PTPRD: variants seen among roughly 807,000 people sequenced by gnomAD.
PTPRD encodes the protein protein tyrosine phosphatase receptor type D, also known as receptor-type tyrosine-protein phosphatase delta.
Under a neutral mutation model 214.5 loss-of-function variants are expected in PTPRD, and 34 were observed. That is an observed-to-expected ratio of 0.16 (90% confidence interval 0.12 to 0.21). PTPRD has a LOEUF of 0.21. Ranked by LOEUF, PTPRD falls within the 10% of genes least tolerant of loss-of-function variation. The pLI, the probability that PTPRD is intolerant of heterozygous loss-of-function variation, is 1.00. For missense variants in PTPRD, 2,545 were observed against 2,398.7 expected, an observed-to-expected ratio of 1.06 and a Z score of -1.27; for synonymous variants, 1,128 against 845.7, an observed-to-expected ratio of 1.33 and a Z score of -5.79.
intron 8 of PTPRD, among the ~76,000 whole-genome samples, chr9:9,571,604 C>T (rs2086427978): frequency 6.6e-6 from 1 of 150,926 alleles, no homozygotes; most frequent in South Asian, 2.1e-4. Flanking sequence ...AATAAATTAT[C>T]ATAATTCATT....
At chr9:9,776,406 C>A (rs1227797852) in intron 5 of PTPRD, among the ~76,000 whole-genome samples, 1 of 152,106 alleles carries the variant, frequency 6.6e-6, no homozygotes, top group Non-Finnish European at 1.5e-5. Flanking sequence ...CTTTACTGAT[C>A]TGTATCTTCC....
chr9:10,125,626 G>A (rs185310578), intron 3 of PTPRD, among the ~76,000 whole-genome samples: 3 of 134,598 alleles, frequency 2.2e-5, no homozygotes, highest in African/African-American at 9.0e-5. Context: ...GGCTAATTGT[G>A]TGTGTGTGTG....
At position 9,030,233 on chromosome 9, in the gene PTPRD, TG is replaced by T. The variant is rs1276282027; in HGVS notation, c.-142-11499del. Among the ~76,000 whole-genome samples, 5 of 150,836 alleles carry T rather than the reference TG, an allele frequency of 3.3e-5. No homozygotes were observed. The East Asian group carries it at 9.8e-4, about 30-fold the overall frequency. ...AATCTCAGAAACAGCAGATGTTCCA[TG>T]ATTTGTCTTAGTGCCTTTGGATCAC... On this transcript the variant is annotated intron_variant, in intron 10 of 45. Transcript: ENST00000381196.
At chr9:10,307,703 T>C (rs2096128002) in intron 3 of PTPRD, among the ~76,000 whole-genome samples, 1 of 152,032 alleles carries the variant, frequency 6.6e-6, no homozygotes, top group Non-Finnish European at 1.5e-5. Flanking sequence ...ATACTGGATG[T>C]AAAAGATACA....
At chr9:10,551,602 T>C (rs1204548172) in intron 2 of PTPRD, among the ~76,000 whole-genome samples, 1 of 152,178 alleles carries the variant, frequency 6.6e-6, no homozygotes, top group East Asian at 1.9e-4. Flanking sequence ...TCTATATCTA[T>C]AAACCAGACA....
chr9:9,598,749 C>A (rs1248546018), intron 7 of PTPRD, among the ~76,000 whole-genome samples: 1 of 152,018 alleles, frequency 6.6e-6, no homozygotes, highest in African/African-American at 2.4e-5. Flanking sequence ...CTTTCCCTCA[C>A]TTGTCCCATA....
At chr9:9,955,714 AG>A (rs2093863902) in intron 4 of PTPRD, among the ~76,000 whole-genome samples, 2 of 152,080 alleles carry the variant, frequency 1.3e-5, no homozygotes, top group South Asian at 2.1e-4. Flanking sequence ...TAGTAGAGAC[AG>A]GGTTTCACCG....
intron 9 of PTPRD, among the ~76,000 whole-genome samples, chr9:9,350,872 A>G (rs1003855403): frequency 1.3e-5 from 2 of 152,226 alleles, no homozygotes; most frequent in Admixed American, 1.3e-4. Context: ...GCCAGTCTCA[A>G]TATTTTAAGA....
At chr9:8,995,668 G>C (rs1012079599) in intron 11 of PTPRD, among the ~76,000 whole-genome samples, 1 of 152,064 alleles carries the variant, frequency 6.6e-6, no homozygotes, top group African/African-American at 2.4e-5. Context: ...CTATCATAGA[G>C]AGTGCCACTG....
chr9:10,208,004 A>T (rs1457240279), intron 3 of PTPRD, among the ~76,000 whole-genome samples: 5 of 152,174 alleles, frequency 3.3e-5, no homozygotes, highest in African/African-American at 1.2e-4. Flanking sequence ...TCCCCACTAG[A>T]CCTGCACATA....
chr9:9,877,335 A>G (rs560471202), intron 5 of PTPRD, among the ~76,000 whole-genome samples: 2 of 152,254 alleles, frequency 1.3e-5, no homozygotes, highest in African/African-American at 2.4e-5. Flanking sequence ...CCACAGTCCA[A>G]TGTCATGGGG....
chr9:9,389,210 C>T (rs545238211), intron 9 of PTPRD, among the ~76,000 whole-genome samples: 1 of 152,178 alleles, frequency 6.6e-6, no homozygotes, highest in South Asian at 2.1e-4. Context: ...TTATTATGTT[C>T]TCAAAAATAG....
intron 9 of PTPRD, among the ~76,000 whole-genome samples, chr9:9,278,080 G>A (rs1946325388): frequency 1.3e-5 from 2 of 151,294 alleles, no homozygotes; most frequent in Admixed American, 1.3e-4. Flanking sequence ...TATTAAAGGT[G>A]GTTGTATGCT....
chr9:10,046,738 C>T (rs2097404820), intron 3 of PTPRD, among the ~76,000 whole-genome samples: 1 of 151,904 alleles, frequency 6.6e-6, no homozygotes, highest in South Asian at 2.1e-4. Flanking sequence ...ATATTCCTCA[C>T]TCAATTAATA....
In PTPRD at chr9:10,601,756, C is replaced by G. The variant is rs115021549; in HGVS notation, c.-600+10642G>C. Reference sequence around the variant, plus strand: ...TTTTCAGCGACAGAAGGCAAAAACTCTAGCTCATAACAAACAGTTTAAGAG... The same window carrying G: ...TTTTCAGCGACAGAAGGCAAAAACTGTAGCTCATAACAAACAGTTTAAGAG... On this transcript the variant is annotated intron_variant, in intron 2 of 45. Coordinates refer to ENST00000381196, the MANE Select transcript of PTPRD (RefSeq NM_002839.4). 1.8e-3 allele frequency among the ~76,000 whole-genome samples: 269 copies of G among 151,860 alleles called. 1 individual carries two copies. Among genetic ancestry groups the G allele is most frequent in the African/African-American group, 6.3e-3 (263 of 41,490 alleles).
intron 4 of PTPRD, among the ~76,000 whole-genome samples, chr9:9,981,855 A>G (rs2095554408): frequency 6.6e-6 from 1 of 152,114 alleles, no homozygotes. Context: ...TTATTATTTA[A>G]TATCTGTCTC....
At chr9:10,551,665 A>T (rs1386064650) in intron 2 of PTPRD, among the ~76,000 whole-genome samples, 2 of 152,154 alleles carry the variant, frequency 1.3e-5, no homozygotes, top group Admixed American at 6.5e-5. Flanking sequence ...TTATAGAATT[A>T]TAAGAAATAA....
At chr9:8,685,316 T>C (rs2097656579) in intron 12 of PTPRD, among the ~76,000 whole-genome samples, 1 of 150,486 alleles carries the variant, frequency 6.6e-6, no homozygotes, top group South Asian at 2.1e-4. Context: ...CAAGGCCCAA[T>C]GGAGCAATAC....
At chr9:8,722,584 T>C (rs1483342109) in intron 12 of PTPRD, among the ~76,000 whole-genome samples, 1 of 152,104 alleles carries the variant, frequency 6.6e-6, no homozygotes. Flanking sequence ...AACAAATCAC[T>C]TAGGAATCCT....
Sources: gnomAD v4.1 joint callset for allele counts (sites outside exome capture counted in the v4.1 genomes callset) on GRCh38, gnomAD v4.1.1 for gene constraint, MANE v1.5 for transcripts, NCBI Gene and HGNC (gene_info 2026-07-23, HGNC 2026-07-21) for gene names.